The following MGST1 variants were observed in gnomAD, a reference collection of about 807,000 sequenced individuals.
MGST1 encodes the protein glutathione S-transferase 12.
A neutral mutation model predicts 8.9 loss-of-function variants in MGST1; 5 were observed. The ratio of observed to expected loss-of-function variants is 0.56; its 90% CI spans 0.29 to 1.19. The LOEUF (loss-of-function observed/expected upper bound fraction) is 1.19, where lower values mean the gene tolerates loss of function less well. Among genes scored for constraint, MGST1 ranks in the 50% most tolerant of loss-of-function variants. The probability of loss-of-function intolerance (pLI) is 0.08; values close to 1 mark genes in which losing one functional copy is unlikely to be tolerated. For synonymous variants in MGST1, 54 were observed against 67.8 expected, an observed-to-expected ratio of 0.80 and a Z score of 1.00; for missense variants, 182 against 187.4, an observed-to-expected ratio of 0.97 and a Z score of 0.17.
chr12:16,519,100 C>T (rs983213128), intron 4 of MGST1, among the ~76,000 whole-genome samples: 7 of 152,136 alleles, frequency 4.6e-5, no homozygotes, highest in South Asian at 2.1e-4. Context: ...GTTTGCATTC[C>T]GCTTTATTGC....
chr12:16,415,023 T>C (rs1038133011), intron 1 of MGST1, among the ~76,000 whole-genome samples: 2 of 152,052 alleles, frequency 1.3e-5, no homozygotes, highest in African/African-American at 4.8e-5. Flanking sequence ...AAACTTCGCC[T>C]CAAAAAATTT....
At chr12:16,421,973 G>C (rs1230536535) in intron 1 of MGST1, among the ~76,000 whole-genome samples, 2 of 152,130 alleles carry the variant, frequency 1.3e-5, no homozygotes, top group Non-Finnish European at 2.9e-5. Flanking sequence ...CTTTGTGGCT[G>C]GCTGGTTGGA....
chr12:16,571,769 T>C (rs1407934231), intron 4 of MGST1, among the ~76,000 whole-genome samples: 2 of 152,072 alleles, frequency 1.3e-5, no homozygotes, highest in African/African-American at 2.4e-5. Context: ...TTCTTCATTC[T>C]AATCAAAGTG....
At chr12:16,387,590 T>G (rs10846348) in intron 1 of MGST1, among the ~76,000 whole-genome samples, 24,007 of 150,876 alleles carry the variant, frequency 0.16, 3,827 homozygotes, top group African/African-American at 0.39. Context: ...GCAGTGGGGC[T>G]ATCTCGGCTC....
chr12:16,505,046 C>T (rs1052342559), intron 4 of MGST1, among the ~76,000 whole-genome samples: 3 of 152,240 alleles, frequency 2.0e-5, no homozygotes, highest in African/African-American at 7.2e-5. Flanking sequence ...GTTTCTGTCT[C>T]AACAAATTAT....
chr12:16,551,606 T>A (rs1941992205), intron 4 of MGST1, among the ~76,000 whole-genome samples: 4 of 151,270 alleles, frequency 2.6e-5, no homozygotes, highest in South Asian at 2.1e-4. Flanking sequence ...TTTTTTTTTT[T>A]AAACCACACT....
chr12:16,375,263 G>T (rs964497286), intron 3 of MGST1, among the ~76,000 whole-genome samples: 1 of 152,002 alleles, frequency 6.6e-6, no homozygotes, highest in Non-Finnish European at 1.5e-5. Flanking sequence ...GGAGGCAATA[G>T]AATAAAATGA....
intron 1 of MGST1, among the ~76,000 whole-genome samples, chr12:16,427,874 A>C (rs559689010): frequency 6.6e-6 from 1 of 151,890 alleles, no homozygotes; most frequent in Non-Finnish European, 1.5e-5. Context: ...GCTATTTTCT[A>C]TGACTCACCT....
chr12:16,466,830 C>T (rs892801368), intron 4 of MGST1, among the ~76,000 whole-genome samples: 4 of 152,142 alleles, frequency 2.6e-5, no homozygotes, highest in East Asian at 1.9e-4. Flanking sequence ...ACTTTGAACA[C>T]TTTGAAATTT....
intron 4 of MGST1, among the ~76,000 whole-genome samples, chr12:16,457,842 A>G (rs1345736354): frequency 6.6e-6 from 1 of 152,016 alleles, no homozygotes; most frequent in Non-Finnish European, 1.5e-5. Context: ...AACAGCTATT[A>G]TGATTGAAAA....
chr12:16,401,567 G>A lies in MGST1; in HGVS notation n.778+17963G>A. On this transcript the variant is annotated intron_variant and non_coding_transcript_variant, in intron 1 of 1. Transcript: ENST00000359720. This position sits in a 1 kb window ranked among gnomAD's most constrained non-coding sequence, Gnocchi z 4.3. Reference sequence around the variant, plus strand: ...GGATCAGCCATCAAAGTGCGAACAGGTTGGAGCAATAAGACTCGAAGCGAA... The same window carrying A: ...GGATCAGCCATCAAAGTGCGAACAGATTGGAGCAATAAGACTCGAAGCGAA... 1.6e-6 allele frequency: 2 copies of A among 1,259,122 alleles called. No individual in the cohort carries two copies. The highest frequency in any genetic ancestry group is 2.3e-6 in the Non-Finnish European group (2 of 857,878). The allele number at this position is 1,259,122 out of a possible 1,614,324, so 78.0% of individuals were successfully genotyped here. A position where few individuals can be genotyped will look rare whatever the true frequency, so the allele number is the denominator to read the frequency against.
chr12:16,407,286 A>G (rs147061370), intron 1 of MGST1, among the ~76,000 whole-genome samples: 1 of 152,370 alleles, frequency 6.6e-6, no homozygotes, highest in Non-Finnish European at 1.5e-5. Context: ...GAAGGCATAC[A>G]TGGGGCCAAC....
rs141545981 is a variant in MGST1 at position 16,472,790 on chromosome 12, T to G, written n.482+89186T>G. Among the ~76,000 whole-genome samples, 805 of 152,278 alleles carry G rather than the reference T, an allele frequency of 5.3e-3. 31 individuals are homozygous for G. Among genetic ancestry groups the G allele is most frequent in the Admixed American group, 0.046 (703 of 15,288 alleles). On this transcript the variant is annotated intron_variant and non_coding_transcript_variant, in intron 4 of 4. Transcript: ENST00000538857. ...AAATAGGTAAGCAGTTGAAAATGAT[T>G]TATTTCAATTGGCGTTGTACTGAAC...
Position 16,458,365 on chromosome 12 carries a change from C to T in MGST1, n.482+74761C>T, listed in dbSNP as rs527472255. Among the ~76,000 whole-genome samples the T allele has an allele frequency of 6.6e-6, 1 of 152,088 alleles. No homozygotes were observed. The highest frequency in any genetic ancestry group is 2.1e-4 in the South Asian group (1 of 4,828). ...CATAAGCAATTTAAATTTTATTGAT[C>T]TCTCCTTCTGAAAGTTGTAATTGAG... On this transcript the variant is annotated intron_variant and non_coding_transcript_variant, in intron 4 of 4. Coordinates refer to the MGST1 transcript ENST00000538857. This position sits in a 1 kb window ranked among gnomAD's most constrained non-coding sequence, Gnocchi z 4.0.
intron 4 of MGST1, among the ~76,000 whole-genome samples, chr12:16,521,165 G>A (rs548203938): frequency 6.6e-6 from 1 of 152,180 alleles, no homozygotes; most frequent in South Asian, 2.1e-4. Flanking sequence ...TATACTTAAT[G>A]CAGCTGCTTT....
intron 4 of MGST1, among the ~76,000 whole-genome samples, chr12:16,534,461 AT>A (rs1469359337): frequency 1.3e-5 from 2 of 152,108 alleles, no homozygotes; most frequent in African/African-American, 4.8e-5. Flanking sequence ...TGTGCTTTTC[AT>A]TTATCTTTTT....
chr12:16,516,656 G>C (rs1658475566), intron 4 of MGST1, among the ~76,000 whole-genome samples: 2 of 152,090 alleles, frequency 1.3e-5, no homozygotes, highest in Admixed American at 6.6e-5. Flanking sequence ...ATATGAAGAA[G>C]GCAATGAGCC....
intron 4 of MGST1, among the ~76,000 whole-genome samples, chr12:16,475,658 G>A (rs966139834): frequency 6.6e-6 from 1 of 152,266 alleles, no homozygotes; most frequent in East Asian, 1.9e-4. Context: ...AATATGGTTG[G>A]CTGGGCTCAT....
chr12:16,351,464 A>G (rs1939461299), intron 1 of MGST1, among the ~76,000 whole-genome samples: 1 of 152,146 alleles, frequency 6.6e-6, no homozygotes, highest in South Asian at 2.1e-4. Context: ...AACCTTGCGC[A>G]TGTAGTTTCT....
Sources: allele counts gnomAD v4.1 joint callset (sites outside exome capture counted in the v4.1 genomes callset), GRCh38; gene constraint gnomAD v4.1.1; non-coding constraint Gnocchi (gnomAD v3.1); transcripts MANE v1.5; gene names NCBI Gene and HGNC (gene_info 2026-07-23, HGNC 2026-07-21).